Variants in TLN2 observed in about 807,000 individuals in gnomAD.
TLN2 encodes talin-2.
Under a neutral mutation model 294.7 loss-of-function variants are expected in TLN2, and 118 were observed. The observed-to-expected ratio is 0.40, with a 90% CI of 0.34 to 0.47. The LOEUF (loss-of-function observed/expected upper bound fraction) is 0.47. TLN2 is among the 20% of genes least tolerant of loss of function. The probability of loss-of-function intolerance (pLI) is 0.84; values close to 1 mark genes in which losing one functional copy is unlikely to be tolerated. For synonymous variants in TLN2, 1,431 were observed against 1,304.5 expected, an observed-to-expected ratio of 1.10 and a Z score of -2.09; for missense variants, 3,083 against 3,282.2, an observed-to-expected ratio of 0.94 and a Z score of 1.48.
At chr15:62,778,400 G>A (rs372946399) in intron 43 of TLN2, among the ~76,000 whole-genome samples, 59 of 152,304 alleles carry the variant, frequency 3.9e-4, no homozygotes, top group African/African-American at 1.4e-3. Context: ...AAGATAAACC[G>A]TGTATCTACC....
intron 1 of TLN2, among the ~76,000 whole-genome samples, chr15:62,478,688 C>T (rs551873963): frequency 3.3e-5 from 5 of 152,262 alleles, no homozygotes; most frequent in African/African-American, 1.2e-4. Context: ...GGGGTTGATT[C>T]AGTGTGTTCT....
intron 11 of TLN2, among the ~76,000 whole-genome samples, chr15:62,680,731 T>TCCCA (rs1303916553): frequency 6.6e-6 from 1 of 152,054 alleles, no homozygotes; most frequent in Non-Finnish European, 1.5e-5. Context: ...GTAGCCCCAC[T>TCCCA]CCCACCCTTT....
intron 42 of TLN2, 44 bp downstream of exon 42, chr15:62,771,178 G>C: frequency 6.5e-7 from 1 of 1,534,674 alleles, no homozygotes; most frequent in Non-Finnish European, 8.8e-7. Flanking sequence ...CCACTAAGAA[G>C]CCATCATGCA....
At chr15:62,498,438 A>G (rs2140423959) in intron 1 of TLN2, among the ~76,000 whole-genome samples, 1 of 152,300 alleles carries the variant, frequency 6.6e-6, no homozygotes, top group Non-Finnish European at 1.5e-5. Flanking sequence ...TCTGCCTGGA[A>G]GGCCTCCTGA....
At chr15:62,435,073 T>A (rs1010155881) in intron 1 of TLN2, among the ~76,000 whole-genome samples, 2 of 151,990 alleles carry the variant, frequency 1.3e-5, no homozygotes, top group Non-Finnish European at 2.9e-5. Flanking sequence ...GCTCCATCCA[T>A]GTCCCTGCAA....
At chr15:62,658,197 C>T (rs1259093519) in intron 9 of TLN2, 4 of 197,012 alleles carry the variant, frequency 2.0e-5, no homozygotes, top group South Asian at 7.0e-5. Context: ...AAAAAAAAAC[C>T]GCTCCAGTAG....
intron 1 of TLN2, among the ~76,000 whole-genome samples, chr15:62,498,464 T>C (rs557139237): frequency 6.6e-6 from 1 of 152,322 alleles, no homozygotes; most frequent in Admixed American, 6.5e-5. Context: ...TTGTTGGAAT[T>C]ATGCATATAC....
At chr15:62,836,865 T>C (rs578047690) in intron 57 of TLN2, among the ~76,000 whole-genome samples, 7 of 152,230 alleles carry the variant, frequency 4.6e-5, no homozygotes, top group Admixed American at 6.5e-5. Flanking sequence ...CATTCTGCTT[T>C]CTTTTCACTT....
intron 21 of TLN2, among the ~76,000 whole-genome samples, chr15:62,709,485 T>C (rs1172518413): frequency 6.6e-6 from 1 of 152,180 alleles, no homozygotes; most frequent in Non-Finnish European, 1.5e-5. Context: ...ACACGTTCCC[T>C]GCTGAGCCTG....
chr15:62,429,892 T>C (rs1475248109), intron 1 of TLN2, among the ~76,000 whole-genome samples: 1 of 152,246 alleles, frequency 6.6e-6, no homozygotes, highest in Non-Finnish European at 1.5e-5. Context: ...TGTCGTGTCC[T>C]TTCAGCCTGT....
At chr15:62,561,399 CGCCTT>C (rs2042946113) in intron 1 of TLN2, 1 of 152,236 alleles carries the variant, frequency 6.6e-6, no homozygotes, top group African/African-American at 2.4e-5. Context: ...TAACAGCTAA[CGCCTT>C]CGCGAGAGGA....
rs1342389565 is a variant in TLN2 at position 62,708,802 on chromosome 15, G to T, written c.2467+6G>T. ...CAGCTCCATGGGTGACGCTGGTAAG[G>T]CACTGTGCTGTGGGTGGGTGGATGG... On this transcript the variant is annotated splice_donor_region_variant and intron_variant, in intron 21 of 58. Transcript: ENST00000636159. The T allele has an allele frequency of 6.3e-7, 1 of 1,596,186 alleles. No individual in the cohort carries two copies. The highest frequency in any genetic ancestry group is 8.5e-7 in the Non-Finnish European group (1 of 1,176,172).
intron 54 of TLN2, chr15:62,832,372 C>T (rs1333636519): frequency 6.6e-6 from 1 of 152,228 alleles, no homozygotes; most frequent in Non-Finnish European, 1.5e-5. Context: ...ATCTTCAACA[C>T]TGTGTGACCT....
At chr15:62,555,286 T>G (rs1193514249) in intron 1 of TLN2, among the ~76,000 whole-genome samples, 1 of 152,230 alleles carries the variant, frequency 6.6e-6, no homozygotes, top group Non-Finnish European at 1.5e-5. Flanking sequence ...GTTACTAATT[T>G]TTCATTTGTG....
intron 39 of TLN2, among the ~76,000 whole-genome samples, chr15:62,762,896 G>A (rs1261575044): frequency 6.6e-6 from 1 of 152,178 alleles, no homozygotes; most frequent in Non-Finnish European, 1.5e-5. Flanking sequence ...ATAAGACAAA[G>A]AATATTCTAG....
At chr15:62,623,274 A>G (rs2048990366) in intron 3 of TLN2, among the ~76,000 whole-genome samples, 1 of 152,238 alleles carries the variant, frequency 6.6e-6, no homozygotes, top group African/African-American at 2.4e-5. Context: ...TATTCTTCAG[A>G]TGATTGTCTA....
At chr15:62,561,582 C>G (rs930258650) in intron 1 of TLN2, 8 of 152,272 alleles carry the variant, frequency 5.3e-5, no homozygotes, top group African/African-American at 1.9e-4. Context: ...AGGAGCCTGA[C>G]CTTCCAGTCA....
intron 1 of TLN2, among the ~76,000 whole-genome samples, chr15:62,550,512 A>G (rs889562340): frequency 6.6e-6 from 1 of 152,198 alleles, no homozygotes; most frequent in Non-Finnish European, 1.5e-5. Flanking sequence ...ATTTAAAAAT[A>G]TGATCGATTC....
At chr15:62,799,177 C>A (rs980618041) in intron 48 of TLN2, among the ~76,000 whole-genome samples, 7 of 152,298 alleles carry the variant, frequency 4.6e-5, no homozygotes, top group Admixed American at 3.3e-4. Context: ...CTCATGCTCA[C>A]CAGACTCTGA....
Sources: gnomAD v4.1 joint callset for allele counts (sites outside exome capture counted in the v4.1 genomes callset) on GRCh38, gnomAD v4.1.1 for gene constraint, MANE v1.5 for transcripts, NCBI Gene and HGNC (gene_info 2026-07-23, HGNC 2026-07-21) for gene names.